GALNTL6: variants seen among roughly 807,000 people sequenced by gnomAD.
GALNTL6 encodes polypeptide N-acetylgalactosaminyltransferase like 6, also known as polypeptide N-acetylgalactosaminyltransferase-like 6.
Under a neutral mutation model 73.7 loss-of-function variants are expected in GALNTL6, and 46 were observed. The ratio of observed to expected loss-of-function variants is 0.62; its 90% confidence interval spans 0.49 to 0.80. The LOEUF (loss-of-function observed/expected upper bound fraction) is 0.80. Among genes scored for constraint, GALNTL6 ranks in the 30% least tolerant of loss-of-function variants. The pLI is 0.00. For synonymous variants in GALNTL6, 259 were observed against 263.7 expected (o/e 0.98, Z 0.17); for missense variants, 604 against 755.0 (o/e 0.80, Z 2.34).
At chr4:172,420,768 C>T (rs1343526482) in intron 5 of GALNTL6, among the ~76,000 whole-genome samples, 2 of 151,962 alleles carry the variant, frequency 1.3e-5, no homozygotes, top group African/African-American at 2.4e-5. Context: ...CCAACCCAAA[C>T]GCCCATCAAT....
chr4:172,143,787 G>T (rs576744573), intron 2 of GALNTL6, among the ~76,000 whole-genome samples: 1 of 151,914 alleles, frequency 6.6e-6, no homozygotes. Context: ...TAGATAGAAC[G>T]TTTTCCTCAC....
At chr4:172,053,757 A>G (rs1241736504) in intron 2 of GALNTL6, among the ~76,000 whole-genome samples, 1 of 152,146 alleles carries the variant, frequency 6.6e-6, no homozygotes, top group Non-Finnish European at 1.5e-5. Flanking sequence ...ATGCATGCAC[A>G]TATTTTGTGT....
rs868298784 is a variant in GALNTL6 at position 172,489,257 on chromosome 4, C to T, written c.553+140568C>T. On this transcript the variant is annotated intron_variant, in intron 5 of 12. Coordinates refer to ENST00000506823, the MANE Select transcript of GALNTL6 (RefSeq NM_001034845.3). ...CAATTGAAATTACCATTGAGTCATACACATGCGCACGCACGCAGACACACA... is the reference window on the plus strand; with the variant it reads ...CAATTGAAATTACCATTGAGTCATATACATGCGCACGCACGCAGACACACA... 1.1e-4 allele frequency among the ~76,000 whole-genome samples: 16 copies of T among 152,264 alleles called. No individual in the cohort carries two copies. The Middle Eastern group carries it at 0.01, about 97-fold the overall frequency.
intron 5 of GALNTL6, among the ~76,000 whole-genome samples, chr4:172,784,932 G>A (rs1739572777): frequency 6.6e-6 from 1 of 152,092 alleles, no homozygotes; most frequent in Non-Finnish European, 1.5e-5. Flanking sequence ...ATCCTAAAAA[G>A]GAAGACAAGC....
At position 172,010,750 on chromosome 4, in the gene GALNTL6, A is replaced by T. The variant is rs1249845956; in HGVS notation, c.138+196032A>T. The stretch of plus-strand genomic sequence containing the variant: ...GAAAACACTATCAGTGTCTTCTACC[A>T]GTCAATATTATAATCAAAGAGATGA... On this transcript the variant is annotated intron_variant, in intron 2 of 12. Transcript: ENST00000506823. Among the ~76,000 whole-genome samples the T allele has an allele frequency of 1.3e-5, 2 of 152,108 alleles. 1 individual carries two copies. Among genetic ancestry groups the T allele is most frequent in the Admixed American group, 1.3e-4 (2 of 15,224 alleles).
intron 5 of GALNTL6, among the ~76,000 whole-genome samples, chr4:172,479,784 C>A (rs1197748712): frequency 1.3e-5 from 2 of 150,498 alleles, no homozygotes; most frequent in Non-Finnish European, 3.0e-5. Flanking sequence ...AACTAAAAAT[C>A]TGAATCTTAT....
rs79893324 is a variant in GALNTL6, at chr4:172,273,648, T to C, written c.248-37966T>C. On this transcript the variant is annotated intron_variant, in intron 3 of 12. Coordinates refer to ENST00000506823, the MANE Select transcript of GALNTL6 (RefSeq NM_001034845.3). ...GATAGGTAGAGTTAGCTAGGAGGAG[T>C]TGCAGCAGGGAGGATAAAGTAAATC... 6.4e-3 allele frequency among the ~76,000 whole-genome samples: 969 copies of C among 151,650 alleles called. 11 individuals are homozygous for C. The highest frequency in any genetic ancestry group is 0.022 in the African/African-American group (926 of 41,348).
At chr4:172,050,916 C>T (rs914507174) in intron 2 of GALNTL6, among the ~76,000 whole-genome samples, 4 of 152,104 alleles carry the variant, frequency 2.6e-5, no homozygotes, top group African/African-American at 9.7e-5. Flanking sequence ...AGAAGGAACG[C>T]TAGCTAAGAA....
At chr4:172,388,247 G>A (rs897323092) in intron 5 of GALNTL6, among the ~76,000 whole-genome samples, 11 of 152,230 alleles carry the variant, frequency 7.2e-5, no homozygotes, top group Non-Finnish European at 1.5e-4. Context: ...AGAGTTTAAT[G>A]TAGATGGAGC....
At chr4:171,929,266 C>T (rs1738094353) in intron 2 of GALNTL6, among the ~76,000 whole-genome samples, 1 of 152,128 alleles carries the variant, frequency 6.6e-6, no homozygotes, top group African/African-American at 2.4e-5. Flanking sequence ...GAGATGGGAT[C>T]TCTCTGTATT....
At chr4:172,516,695 A>G (rs1157822943) in intron 5 of GALNTL6, among the ~76,000 whole-genome samples, 1 of 152,188 alleles carries the variant, frequency 6.6e-6, no homozygotes, top group Admixed American at 6.5e-5. Flanking sequence ...ATACATCCAA[A>G]AGAATTGAAA....
rs141175267 is a variant in GALNTL6 at position 172,124,437 on chromosome 4, T to G, written c.139-105219T>G. Among the ~76,000 whole-genome samples, 589 of 152,196 alleles carry G rather than the reference T, an allele frequency of 3.9e-3. 1 individual carries two copies. Among genetic ancestry groups the G allele is most frequent in the Non-Finnish European group, 6.7e-3 (456 of 67,996 alleles). On this transcript the variant is annotated intron_variant, in intron 2 of 12. Coordinates refer to ENST00000506823, the MANE Select transcript of GALNTL6 (RefSeq NM_001034845.3). ...GAAGCTCATCAAAGATGCCAAAAGG[T>G]TCAAAACACTTCATCAAAACAGGAC...
intron 7 of GALNTL6, among the ~76,000 whole-genome samples, chr4:172,829,866 A>G (rs1315457410): frequency 6.6e-6 from 1 of 152,252 alleles, no homozygotes; most frequent in African/African-American, 2.4e-5. Context: ...GGATAATTTT[A>G]AAAGTCTGAG....
At chr4:171,986,773 G>A (rs184559053) in intron 2 of GALNTL6, among the ~76,000 whole-genome samples, 2,717 of 152,144 alleles carry the variant, frequency 0.018, 40 homozygotes, top group East Asian at 0.047. Flanking sequence ...AGAAAAACAG[G>A]TATAAAAGGT....
At chr4:172,702,716 G>A (rs1264264668) in intron 5 of GALNTL6, among the ~76,000 whole-genome samples, 1 of 151,976 alleles carries the variant, frequency 6.6e-6, no homozygotes, top group East Asian at 1.9e-4. Context: ...CTCTAGAACT[G>A]AGAGAGGCTG....
chr4:172,899,214 G>A (rs1993616), intron 8 of GALNTL6, among the ~76,000 whole-genome samples: 27,984 of 152,078 alleles, frequency 0.18, 2,700 homozygotes, highest in Non-Finnish European at 0.2. Flanking sequence ...GCTACACAAC[G>A]TGTTAAGAGA....
intron 10 of GALNTL6, among the ~76,000 whole-genome samples, chr4:172,998,081 G>T (rs1292863332): frequency 6.6e-6 from 1 of 152,172 alleles, no homozygotes; most frequent in Non-Finnish European, 1.5e-5. Flanking sequence ...GCAAGAGAGA[G>T]ATGCCAAAGC....
intron 2 of GALNTL6, among the ~76,000 whole-genome samples, chr4:172,156,220 CG>C (rs1456685813): frequency 6.6e-6 from 1 of 151,930 alleles, no homozygotes; most frequent in African/African-American, 2.4e-5. Flanking sequence ...CGATCTTCAG[CG>C]GGTATGTGTC....
At chr4:172,183,041 T>C (rs1359493588) in intron 2 of GALNTL6, among the ~76,000 whole-genome samples, 3 of 152,206 alleles carry the variant, frequency 2.0e-5, no homozygotes, top group Non-Finnish European at 4.4e-5. Flanking sequence ...AAACCTGATT[T>C]GCTGTACAAC....
Sources: allele counts gnomAD v4.1 joint callset (sites outside exome capture counted in the v4.1 genomes callset), GRCh38; gene constraint gnomAD v4.1.1; transcripts MANE v1.5; gene names NCBI Gene and HGNC (gene_info 2026-07-23, HGNC 2026-07-21).